POLDIP3: variants seen among roughly 807,000 people sequenced by gnomAD.
POLDIP3 encodes DNA polymerase delta interacting protein 3, also known as polymerase delta-interacting protein 3.
POLDIP3 carries 14 observed loss-of-function variants against 45.1 expected under a neutral mutation model. The observed-to-expected ratio is 0.31, with a 90% CI of 0.20 to 0.49. The LOEUF (loss-of-function observed/expected upper bound fraction) is 0.49, where lower values mean the gene tolerates loss of function less well. Ranked by LOEUF, POLDIP3 falls within the 20% of genes least tolerant of loss-of-function variation. The probability of loss-of-function intolerance (pLI) is 0.99; values close to 1 mark genes in which losing one functional copy is unlikely to be tolerated. For missense variants in POLDIP3, 511 were observed against 538.8 expected (o/e 0.95, Z 0.51); for synonymous variants, 223 against 205.2 (o/e 1.09, Z -0.74).
At chr22:42,588,689 T>C (rs1601881962) in intron 7 of POLDIP3, among the ~76,000 whole-genome samples, 2 of 149,934 alleles carry the variant, frequency 1.3e-5, no homozygotes, top group Non-Finnish European at 3.0e-5. Context: ...AGGGCAATGG[T>C]GCGATCTCGG....
At chr22:42,608,968 T>C (rs1033874473) in intron 1 of POLDIP3, among the ~76,000 whole-genome samples, 1 of 152,232 alleles carries the variant, frequency 6.6e-6, no homozygotes, top group Admixed American at 6.5e-5. Context: ...TCTTCCTGCA[T>C]GAAAAGACAG....
Position 42,596,225 on chromosome 22 carries a change from C to T in POLDIP3, c.774G>A (p.Val258=), listed in dbSNP as rs1462372128. The part of the protein sequence containing the change: ...KALTNMSRTL[V]NKEEPPKELP... ...GCTCTTTGGGGGGTTCTTCCTTGTT[C>T]ACCAGTGTCCGGGACATGTTGGTCA... The change falls in exon 5 of 9, where the codon GTG becomes GTA. Residue 258 remains valine, a synonymous_variant. Transcript: ENST00000252115. The T allele has an allele frequency of 6.2e-7, 1 of 1,614,216 alleles. No homozygotes were observed. Among genetic ancestry groups the T allele is most frequent in the East Asian group, 2.2e-5 (1 of 44,890 alleles).
intron 4 of POLDIP3, chr22:42,597,567 C>T: frequency 2.7e-6 from 1 of 373,450 alleles, no homozygotes; most frequent in South Asian, 2.1e-5. Flanking sequence ...TGTCCCTCAT[C>T]CATCAACGAG....
chr22:42,586,400 G>C (rs1430111222), intron 8 of POLDIP3, among the ~76,000 whole-genome samples: 1 of 152,048 alleles, frequency 6.6e-6, no homozygotes, highest in African/African-American at 2.4e-5. Context: ...CATGATGATG[G>C]CTCACTAGTC....
rs1248908661 is a variant in POLDIP3 at position 42,585,429 on chromosome 22, C to T, written c.*362G>A. ...CCTGGAAAAAGCAGGGTCCTTCAGA[C>T]AGCCCCCACGCTGCATCCCATGGGG... On this transcript the variant is annotated 3_prime_UTR_variant, in exon 9 of 9. Coordinates refer to ENST00000252115, the MANE Select transcript of POLDIP3 (RefSeq NM_032311.5). The T allele has an allele frequency of 2.7e-6, 1 of 366,442 alleles. No homozygotes were observed. The highest frequency in any genetic ancestry group is 5.4e-6 in the Non-Finnish European group (1 of 186,360). The allele number at this position is 366,442 out of a possible 1,614,324, so 22.7% of individuals were successfully genotyped here.
intron 1 of POLDIP3, among the ~76,000 whole-genome samples, chr22:42,604,999 T>C (rs1360227607): frequency 6.6e-6 from 1 of 152,218 alleles, no homozygotes; most frequent in Non-Finnish European, 1.5e-5. Context: ...CCTTCCACCA[T>C]GTCAGGACTC....
intron 2 of POLDIP3, 116 bp from the exon 3 acceptor site, chr22:42,602,172 G>A (rs1009847820): frequency 6.6e-7 from 1 of 1,516,750 alleles, no homozygotes; most frequent in South Asian, 1.2e-5. Context: ...TTGGTAAAAG[G>A]CACTACAGAG....
chr22:42,601,099 A>T (rs987118342), intron 3 of POLDIP3, among the ~76,000 whole-genome samples: 1 of 152,198 alleles, frequency 6.6e-6, no homozygotes, highest in Non-Finnish European at 1.5e-5. Flanking sequence ...TGTATCAAAA[A>T]AAAAGAAGCG....
chr22:42,590,797 A>C (rs1246771282), intron 7 of POLDIP3, among the ~76,000 whole-genome samples: 1 of 152,258 alleles, frequency 6.6e-6, no homozygotes, highest in African/African-American at 2.4e-5. Flanking sequence ...ATAGCTGGGC[A>C]CAGTGGCTCA....
intron 2 of POLDIP3, 96 bp downstream of exon 2, chr22:42,602,669 TGAGAG>T: frequency 7.4e-7 from 1 of 1,348,900 alleles, no homozygotes; most frequent in Non-Finnish European, 1.0e-6. Flanking sequence ...TGCCAACACT[TGAGAG>T]GATAGTATTT....
rs746777708 is a variant in POLDIP3, at chr22:42,603,022, C to G, written c.198G>C (p.Arg66=). The G allele has an allele frequency of 8.7e-6, 14 of 1,614,032 alleles. No individual in the cohort carries two copies. The highest frequency in any genetic ancestry group is 1.2e-5 in the Non-Finnish European group (14 of 1,180,026). Residue 66 remains arginine, a synonymous_variant, in exon 2 of 9, where the codon CGG becomes CGC. Transcript: ENST00000252115. ...ARQKIGLSDA[R]LKLGVKDARE... is the part of the protein sequence containing the mutation. ...GGGCATCCTTGACTCCCAGTTTGAG[C>G]CGGGCATCTGAGAGGCCAATCTTCT...
At chr22:42,597,929 G>A (rs1197780319) in intron 4 of POLDIP3, among the ~76,000 whole-genome samples, 1 of 151,306 alleles carries the variant, frequency 6.6e-6, no homozygotes, top group African/African-American at 2.4e-5. Context: ...ACAGGCACGC[G>A]CCATCATGCC....
At chr22:42,603,858 C>T (rs1212894446) in intron 1 of POLDIP3, among the ~76,000 whole-genome samples, 4 of 152,298 alleles carry the variant, frequency 2.6e-5, no homozygotes, top group East Asian at 1.9e-4. Flanking sequence ...GTAATGGGTA[C>T]ACTAGAAACC....
At chr22:42,599,654 T>G (rs755008417) in intron 4 of POLDIP3, 44 bp downstream of exon 4, 1 of 1,411,118 alleles carries the variant, frequency 7.1e-7, no homozygotes, top group Non-Finnish European at 1.0e-6. Flanking sequence ...CTCTCCCACC[T>G]GCCTGATCAG....
chr22:42,595,338 T>C (rs1183458557), intron 6 of POLDIP3, among the ~76,000 whole-genome samples, 199 bp downstream of exon 6: 1 of 152,104 alleles, frequency 6.6e-6, no homozygotes, highest in African/African-American at 2.4e-5. Flanking sequence ...TCTGGAGGCT[T>C]GTGCCTCGTT....
Position 42,601,773 on chromosome 22 carries a change from AT to A in POLDIP3, c.537+196del, listed in dbSNP as rs754055868. Among the ~76,000 whole-genome samples, 12 of 152,254 alleles carry A rather than the reference AT, an allele frequency of 7.9e-5. 1 individual carries two copies. The highest frequency in any genetic ancestry group is 1.0e-4 in the Non-Finnish European group (7 of 68,048). On this transcript the variant is annotated intron_variant, in intron 3 of 8. Coordinates refer to ENST00000252115, the MANE Select transcript of POLDIP3 (RefSeq NM_032311.5). ...AGACTCCGTCTCAAAAAATAAAAAA[AT>A]AAAAAAAATTTCTTCTTTAAACTCA... is the stretch of plus-strand genomic sequence containing the variant.
intron 3 of POLDIP3, among the ~76,000 whole-genome samples, chr22:42,600,837 C>T (rs1926319077): frequency 6.6e-6 from 1 of 152,098 alleles, no homozygotes; most frequent in Admixed American, 6.6e-5. Context: ...GGCGCGGTGA[C>T]TCATGCTTGT....
intron 7 of POLDIP3, among the ~76,000 whole-genome samples, chr22:42,590,684 G>C (rs1009092980): frequency 3.9e-5 from 6 of 152,106 alleles, no homozygotes; most frequent in Non-Finnish European, 8.8e-5. Context: ...AGAAAATATT[G>C]GTAAATCACT....
At chr22:42,588,252 G>A (rs1925438185) in intron 7 of POLDIP3, among the ~76,000 whole-genome samples, 2 of 152,010 alleles carry the variant, frequency 1.3e-5, no homozygotes, top group Admixed American at 1.3e-4. Context: ...TCAGGAGATC[G>A]AGACCATCCT....
Sources: allele counts gnomAD v4.1 joint callset (sites outside exome capture counted in the v4.1 genomes callset), GRCh38; gene constraint gnomAD v4.1.1; transcripts MANE v1.5; gene names NCBI Gene and HGNC (gene_info 2026-07-23, HGNC 2026-07-21).